Variants in INSL6 observed in about 807,000 individuals in gnomAD.
INSL6 encodes insulin like 6.
A neutral mutation model predicts 9.4 loss-of-function variants in INSL6; 16 were observed. The observed-to-expected ratio is 1.70, with a 90% CI of 1.15 to 2.59. INSL6 has a LOEUF of 2.59. INSL6 is among the 30% of genes most tolerant of loss of function. The probability of loss-of-function intolerance (pLI) is 0.00; values close to 1 mark genes in which losing one functional copy is unlikely to be tolerated. For synonymous variants in INSL6, 154 were observed against 96.9 expected (o/e 1.59, Z -3.46); for missense variants, 391 against 257.3 (o/e 1.52, Z -3.56).
the INSL6 span, chr9:5,100,480 G>C: frequency 1.3e-5 from 2 of 152,154 alleles, no homozygotes; most frequent in Non-Finnish European, 2.9e-5. Flanking sequence ...CTCCAATATG[G>C]AATAATTCTA....
chr9:5,023,732 A>C, the INSL6 span, among the ~76,000 whole-genome samples: 1 of 152,038 alleles, frequency 6.6e-6, no homozygotes, highest in Admixed American at 6.5e-5. Context: ...AATCTACTCA[A>C]AGTGTGATTA....
chr9:5,081,468 T>C, the INSL6 span, among the ~76,000 whole-genome samples: 1 of 152,200 alleles, frequency 6.6e-6, no homozygotes, highest in African/African-American at 2.4e-5. Context: ...TATCAGTATA[T>C]TACCTTACTT....
At chr9:5,138,572 G>C (rs1307421721) in intron 2 of INSL6, among the ~76,000 whole-genome samples, 2 of 152,062 alleles carry the variant, frequency 1.3e-5, no homozygotes, top group Non-Finnish European at 2.9e-5. Flanking sequence ...TCACACACCT[G>C]GCCTGTTGGG....
intron 2 of INSL6, among the ~76,000 whole-genome samples, chr9:5,147,144 C>A (rs2130891678): frequency 6.6e-6 from 1 of 152,244 alleles, no homozygotes; most frequent in South Asian, 2.1e-4. Context: ...TGCTGCTCTA[C>A]CACTCTGCTT....
At chr9:5,094,183 C>G in the INSL6 span, 1 of 152,098 alleles carries the variant, frequency 6.6e-6, no homozygotes, top group East Asian at 1.9e-4. Context: ...CGCAAAGGAC[C>G]TGATACCGTA....
At chr9:5,041,615 C>T in the INSL6 span, 1 of 495,598 alleles carries the variant, frequency 2.0e-6, no homozygotes, top group African/African-American at 2.0e-5. Flanking sequence ...ACTGTGACTA[C>T]ATGCGGCGCC....
chr9:5,083,419 G>T, the INSL6 span, among the ~76,000 whole-genome samples: 11 of 152,148 alleles, frequency 7.2e-5, no homozygotes, highest in Non-Finnish European at 1.5e-4. Context: ...CCATGTTAGT[G>T]TTGTCTGTTA....
the INSL6 span, among the ~76,000 whole-genome samples, chr9:5,023,376 C>T: frequency 1.3e-5 from 2 of 152,086 alleles, no homozygotes; most frequent in East Asian, 1.9e-4. Context: ...CAGGGGAGTA[C>T]GCATTCTGTT....
At chr9:5,091,128 ATTT>A in the INSL6 span, 34 of 374,810 alleles carry the variant, frequency 9.1e-5, no homozygotes, top group Admixed American at 3.2e-4. Flanking sequence ...GTGTTGTCTT[ATTT>A]ATAGGGATTG....
the INSL6 span, chr9:5,069,967 A>G: frequency 6.2e-7 from 1 of 1,607,434 alleles, no homozygotes; most frequent in South Asian, 1.1e-5. Context: ...GGTGTTTCTG[A>G]TGTACCAACC....
the INSL6 span, among the ~76,000 whole-genome samples, chr9:5,063,973 T>C: frequency 2.6e-5 from 4 of 152,224 alleles, no homozygotes; most frequent in South Asian, 4.1e-4. Context: ...CTGGCCAACA[T>C]GTTGAAACTC....
chr9:5,036,383 G>T, the INSL6 span, among the ~76,000 whole-genome samples: 4 of 152,098 alleles, frequency 2.6e-5, no homozygotes, highest in Non-Finnish European at 5.9e-5. Context: ...CTACTTTAAA[G>T]TTCATATGGA....
the INSL6 span, among the ~76,000 whole-genome samples, chr9:5,115,482 C>A: frequency 2.6e-3 from 396 of 152,280 alleles, 5 homozygotes; most frequent in African/African-American, 9.0e-3. Context: ...ATTAGTTCAA[C>A]CATTGTGGAA....
At chr9:5,044,369 TG>T in the INSL6 span, 1 of 1,353,088 alleles carries the variant, frequency 7.4e-7, no homozygotes, top group African/African-American at 1.4e-5. Context: ...TTGAACTATT[TG>T]GAAGCTGACC....
the INSL6 span, chr9:5,041,119 G>C: frequency 1.2e-6 from 1 of 867,940 alleles, no homozygotes; most frequent in Middle Eastern, 2.7e-4. Context: ...TCACGCCCAA[G>C]ACGGTGCTCC....
At chr9:5,161,134 A>T (rs1489959706), downstream of INSL6, among the ~76,000 whole-genome samples, 1 of 152,176 alleles carries the variant, frequency 6.6e-6, no homozygotes, top group African/African-American at 2.4e-5. Context: ...CACATCAAAA[A>T]AGGAAAACTA....
intron 1 of INSL6, among the ~76,000 whole-genome samples, chr9:5,180,858 G>C (rs1825436475): frequency 1.3e-5 from 2 of 152,012 alleles, no homozygotes; most frequent in African/African-American, 4.8e-5. Flanking sequence ...TGTCATCTTT[G>C]TTAGACCCTT....
the INSL6 span, among the ~76,000 whole-genome samples, chr9:5,011,332 C>T: frequency 6.6e-6 from 1 of 152,056 alleles, no homozygotes; most frequent in Non-Finnish European, 1.5e-5. Flanking sequence ...ACTACGGGCA[C>T]AGAGCACCAT....
At chr9:5,155,908 T>TA (rs1191898802) in intron 2 of INSL6, among the ~76,000 whole-genome samples, 5 of 151,810 alleles carry the variant, frequency 3.3e-5, no homozygotes, top group Non-Finnish European at 5.9e-5. Context: ...CCCTAGAACT[T>TA]AAAGTATAAT....
Sources: gnomAD v4.1 joint callset for allele counts (sites outside exome capture counted in the v4.1 genomes callset) on GRCh38, gnomAD v4.1.1 for gene constraint, MANE v1.5 for transcripts, NCBI Gene and HGNC (gene_info 2026-07-23, HGNC 2026-07-21) for gene names.